The following SPEF2 variants were observed in gnomAD, a reference collection of about 807,000 sequenced individuals.
SPEF2 encodes the protein sperm flagellar and cilia associated 2.
A neutral mutation model predicts 224.6 loss-of-function variants in SPEF2; 187 were observed. The ratio of observed to expected loss-of-function variants is 0.83; its 90% CI spans 0.74 to 0.94. SPEF2 has a LOEUF of 0.94. Ranked by LOEUF, SPEF2 falls within the 40% of genes least tolerant of loss-of-function variation. The probability of loss-of-function intolerance (pLI) is 0.00; values close to 1 mark genes in which losing one functional copy is unlikely to be tolerated. For missense variants in SPEF2, 2,170 were observed against 2,135.6 expected (o/e 1.02, Z -0.32); for synonymous variants, 715 against 707.3 (o/e 1.01, Z -0.17).
At chr5:35,656,997 G>A (rs990484572) in intron 7 of SPEF2, among the ~76,000 whole-genome samples, 3 of 152,178 alleles carry the variant, frequency 2.0e-5, no homozygotes, top group African/African-American at 4.8e-5. Flanking sequence ...GTGGTGGAAT[G>A]GGAAATTCTT....
chr5:35,727,201 C>T (rs1383112446), intron 20 of SPEF2, among the ~76,000 whole-genome samples: 2 of 152,176 alleles, frequency 1.3e-5, no homozygotes, highest in Admixed American at 6.5e-5. Context: ...TCCCCTGCAT[C>T]CCTCACCTAC....
At chr5:35,760,808 A>G (rs1014453249) in intron 25 of SPEF2, among the ~76,000 whole-genome samples, 2 of 152,188 alleles carry the variant, frequency 1.3e-5, no homozygotes, top group Non-Finnish European at 2.9e-5. Context: ...CATGGTTTCC[A>G]ACTATAAAAC....
chr5:35,758,401 C>G (rs753158995), intron 24 of SPEF2, among the ~76,000 whole-genome samples: 3 of 152,076 alleles, frequency 2.0e-5, no homozygotes, highest in Non-Finnish European at 4.4e-5. Flanking sequence ...TGTCCTAAAC[C>G]GAATGGGAGA....
intron 26 of SPEF2, 98 bp downstream of exon 26, chr5:35,763,800 A>C: frequency 8.7e-7 from 1 of 1,151,636 alleles, no homozygotes; most frequent in Non-Finnish European, 1.2e-6. Flanking sequence ...CAATGCTCTC[A>C]AGCACTGTAG....
At position 35,692,568 on chromosome 5, in the gene SPEF2, A is replaced by G. The variant is rs1375975527; in HGVS notation, c.1745-2A>G. On this transcript the variant is annotated splice_acceptor_variant, in intron 11 of 36. Transcript: ENST00000356031. LOFTEE classifies it high-confidence loss of function. ...TTTATAAAATTATCTTTTGTACTTT[A>G]GACTTTCCTATACAGATACTTTCTA... 1.9e-6 allele frequency: 3 copies of G among 1,582,098 alleles called. No individual in the cohort carries two copies. The East Asian group carries it at 6.7e-5, about 35-fold the overall frequency.
At chr5:35,793,798 G>T (rs1463664197) in intron 32 of SPEF2, among the ~76,000 whole-genome samples, 2 of 151,630 alleles carry the variant, frequency 1.3e-5, no homozygotes, top group East Asian at 3.9e-4. Flanking sequence ...TTTCTTTGGG[G>T]TGAGAGGGTG....
chr5:35,767,900 T>G (rs977599065), intron 26 of SPEF2, among the ~76,000 whole-genome samples: 1 of 152,104 alleles, frequency 6.6e-6, no homozygotes, highest in African/African-American at 2.4e-5. Context: ...TCTTCAGTGT[T>G]AGTTTCTATC....
chr5:35,681,622 AAAAT>A (rs1222323512), intron 10 of SPEF2, among the ~76,000 whole-genome samples: 5 of 152,246 alleles, frequency 3.3e-5, no homozygotes, highest in Non-Finnish European at 5.9e-5. Flanking sequence ...AAAAAAGGAC[AAAAT>A]AAATATAATA....
rs199701725 is a variant in SPEF2 at position 35,654,586 on chromosome 5, T to A, written c.838T>A (p.Leu280Met). 53 of 1,609,108 alleles carry A rather than the reference T, an allele frequency of 3.3e-5. No individual in the cohort carries two copies. The East Asian group carries it at 1.1e-3, about 35-fold the overall frequency. Reference protein sequence around the residue: ...LDTAGQTTTDLLNTYSDDEYI... With the variant: ...LDTAGQTTTDMLNTYSDDEYI... ...TACAGCAGGCCAGACAACCACCGATTTGTTAAATACTTACTCAGATGACGA... is the reference window on the plus strand; with the variant it reads ...TACAGCAGGCCAGACAACCACCGATATGTTAAATACTTACTCAGATGACGA... Residue 280 changes from leucine to methionine, a missense_variant, in exon 7 of 37, where the codon TTG (leucine) becomes ATG (methionine). Leu to Met is a conservative substitution (Grantham distance 15, BLOSUM62 2). Transcript: ENST00000356031.
At chr5:35,759,506 G>A (rs561756185) in intron 24 of SPEF2, 62 bp from the exon 25 acceptor site, 70 of 1,339,766 alleles carry the variant, frequency 5.2e-5, no homozygotes, top group Middle Eastern at 2.0e-4. Context: ...GGCTTATATC[G>A]GAAATATGTA....
chr5:35,805,509 T>C (rs1757946012), intron 34 of SPEF2, among the ~76,000 whole-genome samples: 1 of 152,210 alleles, frequency 6.6e-6, no homozygotes, highest in South Asian at 2.1e-4. Context: ...GCATTTTTTT[T>C]CTTCCTTGGA....
chr5:35,629,480 G>A (rs1744784814), intron 2 of SPEF2, among the ~76,000 whole-genome samples: 1 of 152,116 alleles, frequency 6.6e-6, no homozygotes, highest in Admixed American at 6.6e-5. Context: ...AAGAGAAGAA[G>A]TGAAACAACA....
chr5:35,645,693 A>T (rs1358305365), intron 4 of SPEF2, among the ~76,000 whole-genome samples: 2 of 152,206 alleles, frequency 1.3e-5, no homozygotes, highest in Non-Finnish European at 2.9e-5. Flanking sequence ...TAATGCAGAC[A>T]GTCTCCAAGA....
At chr5:35,711,589 C>T (rs1741155912) in intron 19 of SPEF2, among the ~76,000 whole-genome samples, 1 of 149,680 alleles carries the variant, frequency 6.7e-6, no homozygotes, top group African/African-American at 2.5e-5. Context: ...CCCTCTCTCC[C>T]TTCTTTCCTT....
intron 20 of SPEF2, among the ~76,000 whole-genome samples, chr5:35,716,409 G>A (rs763415771): frequency 6.6e-5 from 10 of 151,760 alleles, no homozygotes; most frequent in Admixed American, 2.0e-4. Context: ...TAGAACCATC[G>A]AAAATAGAAA....
chr5:35,690,926 C>A, intron 10 of SPEF2, 111 bp from the exon 11 acceptor site: 2 of 709,214 alleles, frequency 2.8e-6, no homozygotes, highest in South Asian at 4.6e-5. Context: ...TTAAAGTATT[C>A]ATTGGCTTTT....
At chr5:35,728,305 T>C (rs748947704) in intron 21 of SPEF2, among the ~76,000 whole-genome samples, 26 of 152,194 alleles carry the variant, frequency 1.7e-4, no homozygotes, top group Non-Finnish European at 3.5e-4. Context: ...GGTATGCTGG[T>C]GTAAGGCAAG....
intron 23 of SPEF2, among the ~76,000 whole-genome samples, chr5:35,750,598 C>T (rs1468209181): frequency 6.6e-6 from 1 of 152,008 alleles, no homozygotes; most frequent in Admixed American, 6.6e-5. Context: ...AAAAAATGCT[C>T]AACATCACTA....
chr5:35,745,918 T>A (rs919526821), intron 23 of SPEF2, among the ~76,000 whole-genome samples: 2 of 152,140 alleles, frequency 1.3e-5, no homozygotes, highest in Admixed American at 1.3e-4. Context: ...ATGGAGTCCA[T>A]TGCACTCCCT....
Sources: allele counts gnomAD v4.1 joint callset (sites outside exome capture counted in the v4.1 genomes callset), GRCh38; gene constraint gnomAD v4.1.1; transcripts MANE v1.5; gene names NCBI Gene and HGNC (gene_info 2026-07-23, HGNC 2026-07-21).